PHF21B: variants seen among roughly 807,000 people sequenced by gnomAD.
PHF21B encodes PHD finger protein 21B.
A neutral mutation model predicts 62.2 loss-of-function variants in PHF21B; 22 were observed. The observed-to-expected ratio is 0.35, with a 90% CI of 0.25 to 0.51. The LOEUF (loss-of-function observed/expected upper bound fraction) is 0.51. Among genes scored for constraint, PHF21B ranks in the 20% least tolerant of loss-of-function variants. PHF21B has a pLI of 0.97. For missense variants in PHF21B, 701 were observed against 707.9 expected, an observed-to-expected ratio of 0.99 and a Z score of 0.11; for synonymous variants, 341 against 314.7, an observed-to-expected ratio of 1.08 and a Z score of -0.88.
At chr22:44,939,143 G>A (rs1472110527) in intron 2 of PHF21B, among the ~76,000 whole-genome samples, 4 of 152,204 alleles carry the variant, frequency 2.6e-5, no homozygotes, top group African/African-American at 7.2e-5. Flanking sequence ...ACTCAAGATC[G>A]GCTCAGACAG....
chr22:44,988,452 A>AT (rs1397349064), intron 2 of PHF21B, among the ~76,000 whole-genome samples: 1 of 152,284 alleles, frequency 6.6e-6, no homozygotes, highest in Non-Finnish European at 1.5e-5. Flanking sequence ...ACACAGCAAG[A>AT]CCCTGTCAAA....
intron 2 of PHF21B, among the ~76,000 whole-genome samples, chr22:44,966,236 C>T (rs1251648955): frequency 6.6e-6 from 1 of 152,226 alleles, no homozygotes; most frequent in Non-Finnish European, 1.5e-5. Flanking sequence ...GAGGCAGAGC[C>T]GGGGACGTCC....
intron 2 of PHF21B, among the ~76,000 whole-genome samples, chr22:44,936,583 T>C (rs2071852240): frequency 1.3e-5 from 2 of 152,192 alleles, no homozygotes; most frequent in Admixed American, 1.3e-4. Context: ...GGGTTTCAAG[T>C]GGGACCTTGA....
intron 2 of PHF21B, among the ~76,000 whole-genome samples, chr22:44,992,046 G>A (rs561361967): frequency 5.9e-5 from 9 of 152,300 alleles, no homozygotes; most frequent in African/African-American, 1.2e-4. Flanking sequence ...AGATGCAAAC[G>A]TCCCTTCTCT....
intron 2 of PHF21B, among the ~76,000 whole-genome samples, chr22:44,946,802 G>C (rs897173117): frequency 6.6e-6 from 1 of 152,176 alleles, no homozygotes; most frequent in Non-Finnish European, 1.5e-5. Flanking sequence ...CCAAGGCCAT[G>C]AACATGGCAG....
At chr22:44,978,728 T>C (rs1025037588) in intron 2 of PHF21B, among the ~76,000 whole-genome samples, 1 of 152,204 alleles carries the variant, frequency 6.6e-6, no homozygotes, top group Admixed American at 6.5e-5. Context: ...ATGACCGCCC[T>C]TTTTTCCTCT....
intron 2 of PHF21B, among the ~76,000 whole-genome samples, chr22:44,995,868 C>T (rs962099797): frequency 1.4e-5 from 2 of 145,826 alleles, no homozygotes; most frequent in Non-Finnish European, 3.0e-5. Context: ...AGGGTGACTG[C>T]CCATCTCCGC....
At chr22:44,968,682 G>A (rs2072580502) in intron 2 of PHF21B, among the ~76,000 whole-genome samples, 1 of 149,536 alleles carries the variant, frequency 6.7e-6, no homozygotes, top group Non-Finnish European at 1.5e-5. Context: ...GACCATACAT[G>A]TTTTGGAATT....
chr22:44,943,357 G>A (rs953833067), intron 2 of PHF21B, among the ~76,000 whole-genome samples: 1 of 152,146 alleles, frequency 6.6e-6, no homozygotes, highest in Non-Finnish European at 1.5e-5. Context: ...CTGGCCCGGG[G>A]AGGCCAGAAA....
intron 2 of PHF21B, among the ~76,000 whole-genome samples, chr22:44,945,450 T>C (rs2072048416): frequency 6.6e-6 from 1 of 152,176 alleles, no homozygotes; most frequent in South Asian, 2.1e-4. Context: ...TGAGAGTACA[T>C]GGGGTTTTGT....
chr22:44,951,149 GACTT>G (rs1264008128), intron 2 of PHF21B, among the ~76,000 whole-genome samples: 1 of 152,180 alleles, frequency 6.6e-6, no homozygotes, highest in Non-Finnish European at 1.5e-5. Context: ...GCAAGCAACT[GACTT>G]ACTATGGTCT....
At chr22:44,974,889 C>T (rs971942305) in intron 2 of PHF21B, among the ~76,000 whole-genome samples, 2 of 152,182 alleles carry the variant, frequency 1.3e-5, no homozygotes, top group Non-Finnish European at 2.9e-5. Flanking sequence ...CATATTAATA[C>T]CACTCAGTAC....
chr22:44,908,178 G>A (rs5766177), intron 5 of PHF21B, among the ~76,000 whole-genome samples: 25,131 of 152,112 alleles, frequency 0.17, 3,011 homozygotes, highest in East Asian at 0.61. Flanking sequence ...CAGAGATGGC[G>A]TCTCCAGTGG....
intron 5 of PHF21B, among the ~76,000 whole-genome samples, chr22:44,906,353 T>A: frequency 6.6e-6 from 1 of 152,108 alleles, no homozygotes. Context: ...GAGGAAGCCA[T>A]CCAGGGGCAG....
chr22:44,962,457 G>A (rs1373250697), intron 2 of PHF21B, among the ~76,000 whole-genome samples: 1 of 152,238 alleles, frequency 6.6e-6, no homozygotes, highest in African/African-American at 2.4e-5. Flanking sequence ...GATGGGAGCT[G>A]CAGCTCACAG....
chr22:44,900,349 G>A (rs1371260482), intron 5 of PHF21B, among the ~76,000 whole-genome samples: 3 of 152,120 alleles, frequency 2.0e-5, no homozygotes, highest in Admixed American at 6.5e-5. Flanking sequence ...TGCCCAGACT[G>A]GAGTGTAGTG....
chr22:44,995,891 G>A (rs372359153), intron 2 of PHF21B, among the ~76,000 whole-genome samples: 4 of 150,232 alleles, frequency 2.7e-5, no homozygotes, highest in Non-Finnish European at 4.4e-5. Context: ...GGCCCCAGAC[G>A]ATGCAGAGGA....
At chr22:44,896,898 A>T (rs368612443) in intron 5 of PHF21B, among the ~76,000 whole-genome samples, 30 of 10,470 alleles carry the variant, frequency 2.9e-3, no homozygotes, top group African/African-American at 6.6e-3. Flanking sequence ...TTTTTTTTTG[A>T]GACAGGTTCT....
At chr22:45,006,870 A>G (rs1355893013) in intron 2 of PHF21B, among the ~76,000 whole-genome samples, 1 of 150,268 alleles carries the variant, frequency 6.7e-6, no homozygotes, top group African/African-American at 2.4e-5. Flanking sequence ...TTTTTTTTTT[A>G]AAGAAAGTAT....
Sources: gnomAD v4.1 joint callset for allele counts (sites outside exome capture counted in the v4.1 genomes callset) on GRCh38, gnomAD v4.1.1 for gene constraint, MANE v1.5 for transcripts, NCBI Gene and HGNC (gene_info 2026-07-23, HGNC 2026-07-21) for gene names.